Variants in CDH18 observed in about 807,000 individuals in gnomAD.
CDH18 encodes cadherin-18.
Under a neutral mutation model 67.9 loss-of-function variants are expected in CDH18, and 31 were observed. That is an observed-to-expected ratio of 0.46 (90% CI 0.34 to 0.62). The LOEUF (loss-of-function observed/expected upper bound fraction) is 0.62. Ranked by LOEUF, CDH18 falls within the 20% of genes least tolerant of loss-of-function variation. The pLI, the probability that CDH18 is intolerant of heterozygous loss-of-function variation, is 0.01. For missense variants in CDH18, 890 were observed against 975.5 expected, an observed-to-expected ratio of 0.91 and a Z score of 1.17; for synonymous variants, 362 against 347.2, an observed-to-expected ratio of 1.04 and a Z score of -0.48.
intron 11 of CDH18, among the ~76,000 whole-genome samples, chr5:19,486,957 C>T (rs1740504254): frequency 6.6e-6 from 1 of 152,084 alleles, no homozygotes; most frequent in Non-Finnish European, 1.5e-5. Context: ...TAATGTGCAC[C>T]ATAGCTGGGT....
At chr5:20,434,529 G>A (rs575980202) in intron 1 of CDH18, among the ~76,000 whole-genome samples, 1 of 152,098 alleles carries the variant, frequency 6.6e-6, no homozygotes, top group East Asian at 1.9e-4. Flanking sequence ...CGGTAATAAA[G>A]CCAGTAGCCA....
At chr5:20,217,842 C>A (rs1001923627) in intron 2 of CDH18, among the ~76,000 whole-genome samples, 1 of 151,656 alleles carries the variant, frequency 6.6e-6, no homozygotes, top group Non-Finnish European at 1.5e-5. Flanking sequence ...AAAACAGAAA[C>A]CATAAAAGAG....
intron 1 of CDH18, among the ~76,000 whole-genome samples, chr5:20,534,297 T>G (rs894997774): frequency 3.3e-5 from 5 of 152,120 alleles, no homozygotes. Flanking sequence ...AGTGCTTCTT[T>G]CATTTAAAAA....
chr5:20,495,837 C>A (rs1013435319), intron 1 of CDH18, among the ~76,000 whole-genome samples: 10 of 151,950 alleles, frequency 6.6e-5, no homozygotes, highest in African/African-American at 2.4e-4. Flanking sequence ...TGGGAAAATA[C>A]AATGTAGAAA....
chr5:19,948,368 T>C (rs981711907), intron 2 of CDH18, among the ~76,000 whole-genome samples: 3 of 152,162 alleles, frequency 2.0e-5, no homozygotes, highest in African/African-American at 4.8e-5. Flanking sequence ...GGGTGAATGG[T>C]TAAACAAACT....
rs780809403 is a variant in CDH18, at chr5:20,329,253, C to T, written c.-579-73748G>A. On this transcript the variant is annotated intron_variant, in intron 1 of 14. Transcript: ENST00000507958. ...GGAACAAAGAGAATGAACGAAGGCA[C>T]GCAGATAACACATCACTATTGATCT... Among the ~76,000 whole-genome samples, 187 of 152,204 alleles carry T rather than the reference C, an allele frequency of 1.2e-3. 2 individuals carry two copies. The highest frequency in any genetic ancestry group is 1.6e-3 in the Admixed American group (25 of 15,290).
At chr5:20,086,614 C>CA (rs1257062463) in intron 2 of CDH18, among the ~76,000 whole-genome samples, 3 of 151,984 alleles carry the variant, frequency 2.0e-5, no homozygotes, top group Non-Finnish European at 4.4e-5. Context: ...TTTACCACTC[C>CA]AAAAAAATCC....
At chr5:20,015,118 T>A (rs925468516) in intron 2 of CDH18, among the ~76,000 whole-genome samples, 6 of 152,246 alleles carry the variant, frequency 3.9e-5, no homozygotes, top group African/African-American at 1.4e-4. Flanking sequence ...TTTCTAGTAA[T>A]CTATCTGCAT....
intron 2 of CDH18, among the ~76,000 whole-genome samples, chr5:20,226,073 C>T (rs1741601919): frequency 1.3e-5 from 2 of 151,928 alleles, no homozygotes; most frequent in Non-Finnish European, 2.9e-5. Context: ...ATGTTAGACA[C>T]CTGGTATCAA....
chr5:19,972,577 GCA>G (rs2150339782), intron 2 of CDH18, among the ~76,000 whole-genome samples: 1 of 89,502 alleles, frequency 1.1e-5, no homozygotes, highest in South Asian at 3.5e-4. Flanking sequence ...TAAAAATATA[GCA>G]GGGGAATAAT....
chr5:20,203,600 A>AG (rs1561874364), intron 2 of CDH18, among the ~76,000 whole-genome samples: 1 of 150,656 alleles, frequency 6.6e-6, no homozygotes, highest in African/African-American at 2.5e-5. Context: ...AGAGAGAGAG[A>AG]AATTCAACAG....
In CDH18 at chr5:20,423,946, C is replaced by CAAAAAAAAAAAA. The variant is rs553723574; in HGVS notation, c.-580+151504_-580+151515dup. Among the ~76,000 whole-genome samples, 55 of 63,820 alleles carry CAAAAAAAAAAAA rather than the reference C, an allele frequency of 8.6e-4. 1 individual carries two copies. The highest frequency in any genetic ancestry group is 4.8e-3 in the African/African-American group (54 of 11,190). The allele number at this position is 63,820 out of a possible 152,430, so 41.9% of individuals were successfully genotyped here. A position where few individuals can be genotyped will look rare whatever the true frequency, so the allele number is the denominator to read the frequency against. The stretch of plus-strand genomic sequence containing the variant: ...TGGGCGACTGAGCGAGACTCCGTCT[C>CAAAAAAAAAAAA]AAAAAAAAAAAAAAAAAAAAAAAAA... On this transcript the variant is annotated intron_variant, in intron 1 of 14. Coordinates refer to the CDH18 transcript ENST00000507958.
chr5:19,869,717 T>C (rs1239820703), intron 2 of CDH18, among the ~76,000 whole-genome samples: 1 of 152,130 alleles, frequency 6.6e-6, no homozygotes, highest in Non-Finnish European at 1.5e-5. Context: ...TTGCTCAATC[T>C]GTTATTAGAC....
In CDH18 at chr5:20,440,508, T is replaced by C. The variant is rs116382736; in HGVS notation, c.-580+134954A>G. Reference sequence around the variant, plus strand: ...TGATGAGAAATAAAAAAGAAGGTAATAAAAGTTGGAAATAATGAGATCTAT... The same window carrying C: ...TGATGAGAAATAAAAAAGAAGGTAACAAAAGTTGGAAATAATGAGATCTAT... On this transcript the variant is annotated intron_variant, in intron 1 of 14. Coordinates refer to the CDH18 transcript ENST00000507958. 3.0e-3 allele frequency among the ~76,000 whole-genome samples: 455 copies of C among 151,852 alleles called. 15 individuals carry two copies. Among genetic ancestry groups the C allele is most frequent in the African/African-American group, 0.011 (435 of 41,254 alleles).
rs62351260 is a variant in CDH18 at position 19,611,949 on chromosome 5, C to T, written c.811+485G>A. The stretch of plus-strand genomic sequence containing the variant: ...AACTTCAACTTGCTTTTGGATGATG[C>T]GTGTGTGTGTGTGTGTGTGTGTGTG... On this transcript the variant is annotated intron_variant, in intron 6 of 12. Transcript: ENST00000382275. 4.2e-3 allele frequency among the ~76,000 whole-genome samples: 581 copies of T among 139,118 alleles called. 3 individuals carry two copies. Among genetic ancestry groups the T allele is most frequent in the African/African-American group, 8.9e-3 (336 of 37,878 alleles). The allele number at this position is 139,118 out of a possible 152,430, so 91.3% of individuals were successfully genotyped here.
intron 7 of CDH18, among the ~76,000 whole-genome samples, chr5:19,590,507 T>TAGAG (rs1334717705): frequency 8.7e-5 from 13 of 149,944 alleles, no homozygotes; most frequent in African/African-American, 2.7e-4. Flanking sequence ...GATAGATAGA[T>TAGAG]AGACAGACAG....
intron 2 of CDH18, among the ~76,000 whole-genome samples, chr5:20,177,244 T>C (rs1326596087): frequency 6.6e-6 from 1 of 152,090 alleles, no homozygotes; most frequent in Non-Finnish European, 1.5e-5. Context: ...TGACGCAATT[T>C]TCCTACAGAG....
intron 1 of CDH18, among the ~76,000 whole-genome samples, chr5:20,370,323 T>G (rs1348881355): frequency 6.6e-6 from 1 of 152,158 alleles, no homozygotes; most frequent in East Asian, 1.9e-4. Flanking sequence ...TATGATATCA[T>G]ATGACTAATT....
intron 2 of CDH18, among the ~76,000 whole-genome samples, chr5:20,228,222 C>A (rs116441113): frequency 0.014 from 2,163 of 152,010 alleles, 26 homozygotes; most frequent in South Asian, 0.029. Flanking sequence ...TGTCATAGTT[C>A]TCATTCCCTT....
Sources: allele counts gnomAD v4.1 joint callset (sites outside exome capture counted in the v4.1 genomes callset), GRCh38; gene constraint gnomAD v4.1.1; transcripts MANE v1.5; gene names NCBI Gene and HGNC (gene_info 2026-07-23, HGNC 2026-07-21).